CALN1: variants seen among roughly 807,000 people sequenced by gnomAD.
CALN1 encodes the protein calcium-binding protein 8.
A neutral mutation model predicts 30.6 loss-of-function variants in CALN1; 17 were observed. That is an observed-to-expected ratio of 0.56 (90% CI 0.38 to 0.83). The LOEUF (loss-of-function observed/expected upper bound fraction) is 0.83. Among genes scored for constraint, CALN1 ranks in the 40% least tolerant of loss-of-function variants. The probability of loss-of-function intolerance (pLI) is 0.00; values close to 1 mark genes in which losing one functional copy is unlikely to be tolerated. For missense variants in CALN1, 291 were observed against 354.9 expected, an observed-to-expected ratio of 0.82 and a Z score of 1.45; for synonymous variants, 156 against 131.4, an observed-to-expected ratio of 1.19 and a Z score of -1.28.
intron 3 of CALN1, among the ~76,000 whole-genome samples, chr7:72,230,971 C>T (rs1451322968): frequency 1.3e-5 from 2 of 152,102 alleles, no homozygotes; most frequent in East Asian, 1.9e-4. Flanking sequence ...TTCCAAGGAG[C>T]GTGATGAAAT....
intron 4 of CALN1, among the ~76,000 whole-genome samples, chr7:72,071,801 C>T (rs1295732931): frequency 6.6e-6 from 1 of 152,102 alleles, no homozygotes; most frequent in Non-Finnish European, 1.5e-5. Context: ...TCAAAAAGAC[C>T]TACTGGTGGA....
At chr7:72,300,396 T>G (rs1799172995) in intron 2 of CALN1, among the ~76,000 whole-genome samples, 1 of 151,916 alleles carries the variant, frequency 6.6e-6, no homozygotes, top group African/African-American at 2.4e-5. Flanking sequence ...CACTGCGTTG[T>G]ATTTTTAATG....
At chr7:72,409,401 T>G (rs1806951784) in intron 1 of CALN1, among the ~76,000 whole-genome samples, 1 of 147,842 alleles carries the variant, frequency 6.8e-6, no homozygotes, top group African/African-American at 2.5e-5. Flanking sequence ...TCAGACTGTA[T>G]CCACATACCT....
At chr7:71,938,219 C>G (rs1158765106) in intron 5 of CALN1, among the ~76,000 whole-genome samples, 1 of 152,164 alleles carries the variant, frequency 6.6e-6, no homozygotes, top group Admixed American at 6.5e-5. Flanking sequence ...GCTGTGCCTA[C>G]CCTGCCCAGA....
chr7:72,296,180 T>C (rs1015459575), intron 2 of CALN1, among the ~76,000 whole-genome samples: 1 of 151,626 alleles, frequency 6.6e-6, no homozygotes, highest in Admixed American at 6.6e-5. Context: ...GATTTGCGTA[T>C]ATTGAACCAG....
chr7:71,815,686 T>C (rs1584281661), intron 5 of CALN1, among the ~76,000 whole-genome samples: 1 of 152,016 alleles, frequency 6.6e-6, no homozygotes, highest in Non-Finnish European at 1.5e-5. Context: ...AGACTCTTTT[T>C]TCCCTCTCTC....
intron 3 of CALN1, among the ~76,000 whole-genome samples, chr7:72,152,618 G>GA (rs1412199303): frequency 2.6e-5 from 4 of 152,196 alleles, no homozygotes; most frequent in Admixed American, 2.6e-4. Context: ...CCTAGAAGCA[G>GA]AAACTTGAGA....
chr7:72,160,860 C>T (rs1469611846), intron 3 of CALN1, among the ~76,000 whole-genome samples: 1 of 152,206 alleles, frequency 6.6e-6, no homozygotes, highest in Non-Finnish European at 1.5e-5. Flanking sequence ...TGTCCCCAAG[C>T]TAGCCCTGCA....
At chr7:72,066,752 C>T (rs1804048210) in intron 4 of CALN1, among the ~76,000 whole-genome samples, 1 of 151,698 alleles carries the variant, frequency 6.6e-6, no homozygotes, top group Non-Finnish European at 1.5e-5. Context: ...GCTGAGACTG[C>T]AGGCATGCAC....
At chr7:72,388,598 T>C (rs1378025035) in intron 2 of CALN1, among the ~76,000 whole-genome samples, 1 of 152,234 alleles carries the variant, frequency 6.6e-6, no homozygotes, top group Admixed American at 6.5e-5. Context: ...GCAATGTTTC[T>C]GCAAATTCAA....
intron 5 of CALN1, among the ~76,000 whole-genome samples, chr7:71,815,062 T>C (rs1178494960): frequency 1.3e-5 from 2 of 152,134 alleles, no homozygotes; most frequent in Non-Finnish European, 2.9e-5. Flanking sequence ...CTGGATCTCC[T>C]GACCCTGTGA....
At chr7:72,455,160 G>T in the CALN1 span, among the ~76,000 whole-genome samples, 1 of 151,952 alleles carries the variant, frequency 6.6e-6, no homozygotes, top group African/African-American at 2.4e-5. Context: ...TTTCTGGCTG[G>T]GCATGGTGGA....
intron 2 of CALN1, among the ~76,000 whole-genome samples, chr7:72,306,186 G>A (rs1177367271): frequency 1.3e-5 from 2 of 152,092 alleles, no homozygotes; most frequent in African/African-American, 2.4e-5. Flanking sequence ...CCCAAAACAT[G>A]TTTCTTTGCC....
intron 5 of CALN1, among the ~76,000 whole-genome samples, chr7:72,012,812 T>G (rs942134008): frequency 1.3e-5 from 2 of 152,178 alleles, no homozygotes; most frequent in Non-Finnish European, 2.9e-5. Flanking sequence ...TTGATTGATT[T>G]TGAGACAGAG....
intron 3 of CALN1, among the ~76,000 whole-genome samples, chr7:72,216,296 T>C (rs1792806870): frequency 2.0e-5 from 3 of 151,982 alleles, no homozygotes; most frequent in African/African-American, 4.8e-5. Context: ...CGTGGTGGTG[T>C]GCACCTGTAG....
At chr7:72,393,436 A>C (rs1805708979) in intron 2 of CALN1, among the ~76,000 whole-genome samples, 1 of 152,078 alleles carries the variant, frequency 6.6e-6, no homozygotes, top group African/African-American at 2.4e-5. Context: ...TGCACTCCAG[A>C]CTGGGAGAGA....
intron 6 of CALN1, among the ~76,000 whole-genome samples, chr7:71,805,827 T>C (rs1214734686): frequency 2.0e-5 from 3 of 152,194 alleles, no homozygotes; most frequent in Non-Finnish European, 2.9e-5. Context: ...GTCCTAGATC[T>C]TTGAGGAATT....
At chr7:72,111,637 A>AGGGTCTCGCCATGTTGCCCAGGC (rs1807582887) in intron 3 of CALN1, among the ~76,000 whole-genome samples, 1 of 152,036 alleles carries the variant, frequency 6.6e-6, no homozygotes, top group African/African-American at 2.4e-5. Flanking sequence ...TTGTAGAAAC[A>AGGGTCTCGCCATGTTGCCCAGGC]GGGTCTCGCC....
chr7:72,333,476 G>A (rs144202474), intron 2 of CALN1, among the ~76,000 whole-genome samples: 207 of 152,248 alleles, frequency 1.4e-3, no homozygotes, highest in African/African-American at 4.8e-3. Context: ...CAAATTGAGC[G>A]TTCTGAGAAA....
Sources: allele counts gnomAD v4.1 joint callset (sites outside exome capture counted in the v4.1 genomes callset), GRCh38; gene constraint gnomAD v4.1.1; transcripts MANE v1.5; gene names NCBI Gene and HGNC (gene_info 2026-07-23, HGNC 2026-07-21).